The following LMX1A variants were observed in gnomAD, a reference collection of about 807,000 sequenced individuals.
The protein encoded by LMX1A is LIM homeobox transcription factor 1-alpha.
LMX1A carries 15 observed loss-of-function variants against 49.1 expected under a neutral mutation model. The observed-to-expected ratio is 0.31, with a 90% CI of 0.20 to 0.47. LMX1A has a LOEUF of 0.47. Ranked by LOEUF, LMX1A falls within the 20% of genes least tolerant of loss-of-function variation. The pLI is 1.00. For missense variants in LMX1A, 372 were observed against 475.8 expected (o/e 0.78, Z 2.03); for synonymous variants, 167 against 185.7 (o/e 0.90, Z 0.82).
chr1:165,207,331 C>T (rs1374070628), intron 7 of LMX1A, among the ~76,000 whole-genome samples: 1 of 151,920 alleles, frequency 6.6e-6, no homozygotes, highest in Non-Finnish European at 1.5e-5. Flanking sequence ...CCTTTAACTT[C>T]CATGAAGTCT....
intron 2 of LMX1A, among the ~76,000 whole-genome samples, chr1:165,354,392 G>A (rs1169036874): frequency 1.3e-5 from 2 of 152,274 alleles, no homozygotes; most frequent in East Asian, 3.9e-4. Flanking sequence ...GCCACGTTGA[G>A]AGCGAACGTG....
chr1:165,344,393 G>C (rs113709951), intron 3 of LMX1A, among the ~76,000 whole-genome samples: 4 of 152,232 alleles, frequency 2.6e-5, no homozygotes, highest in African/African-American at 9.6e-5. Context: ...AGAGTGAGGC[G>C]GTAGCCAATA....
chr1:165,241,605 G>A (rs1414743925), intron 4 of LMX1A, among the ~76,000 whole-genome samples: 1 of 151,660 alleles, frequency 6.6e-6, no homozygotes, highest in Admixed American at 6.6e-5. Context: ...CAATACGGAG[G>A]ATGAGACTTC....
chr1:165,256,859 C>T (rs986699415), intron 3 of LMX1A, among the ~76,000 whole-genome samples: 1 of 152,004 alleles, frequency 6.6e-6, no homozygotes, highest in Admixed American at 6.6e-5. Context: ...CACTGAATTT[C>T]GGGATGCAAC....
rs1650861616 is a variant in LMX1A at position 165,201,940 on chromosome 1, C to T, written c.*1940G>A. On this transcript the variant is annotated 3_prime_UTR_variant, in exon 9 of 9. Transcript: ENST00000342310. ...GAATAAGGATCTCTATTCATTTTCA[C>T]TCACATAGTATCTCCTACATTCTCC... is the stretch of plus-strand genomic sequence containing the variant. 6.6e-6 allele frequency: 1 copy of T among 152,478 alleles called. No individual in the cohort carries two copies. The allele number at this position is 152,478 out of a possible 1,614,324, so 9.4% of individuals were successfully genotyped here.
At chr1:165,264,887 A>T (rs1177615624) in intron 3 of LMX1A, among the ~76,000 whole-genome samples, 2 of 151,814 alleles carry the variant, frequency 1.3e-5, no homozygotes, top group Non-Finnish European at 2.9e-5. Context: ...AGCTTGGGAG[A>T]CAGAACAATA....
chr1:165,272,270 G>C (rs1453029050), intron 3 of LMX1A, among the ~76,000 whole-genome samples: 5 of 152,098 alleles, frequency 3.3e-5, no homozygotes, highest in Non-Finnish European at 5.9e-5. Context: ...CATACTTTAC[G>C]AACACAAAAA....
Position 165,273,269 on chromosome 1 carries a change from C to A in LMX1A, c.264-23629G>T, listed in dbSNP as rs147954733. Among the ~76,000 whole-genome samples, 6 of 152,258 alleles carry A rather than the reference C, an allele frequency of 3.9e-5. No homozygotes were observed. The East Asian group carries it at 1.2e-3, about 29-fold the overall frequency. ...CCTGTCATGACTTGGAACTCATACC[C>A]CAAGCCCTTCCAAGAAGTGACTAGC... On this transcript the variant is annotated intron_variant, in intron 3 of 8. Coordinates refer to ENST00000342310, the MANE Select transcript of LMX1A (RefSeq NM_177398.4).
chr1:165,293,188 C>T (rs552682350), intron 3 of LMX1A, among the ~76,000 whole-genome samples: 156 of 151,810 alleles, frequency 1.0e-3, no homozygotes, highest in African/African-American at 3.7e-3. Context: ...AGACACTAGA[C>T]CAGATGTCCT....
intron 3 of LMX1A, among the ~76,000 whole-genome samples, chr1:165,311,136 C>T (rs533506101): frequency 6.6e-6 from 1 of 152,250 alleles, no homozygotes; most frequent in South Asian, 2.1e-4. Context: ...TTTTCTTCCG[C>T]CAGGGCCCCT....
intron 4 of LMX1A, among the ~76,000 whole-genome samples, chr1:165,232,156 T>C (rs1652263236): frequency 6.6e-6 from 1 of 152,266 alleles, no homozygotes; most frequent in East Asian, 1.9e-4. Flanking sequence ...TGCGGATGCA[T>C]CCCTGTGCTG....
chr1:165,228,542 G>C (rs1270569983), intron 4 of LMX1A, among the ~76,000 whole-genome samples: 1 of 152,202 alleles, frequency 6.6e-6, no homozygotes, highest in African/African-American at 2.4e-5. Context: ...GGATTTCACA[G>C]GTTGGGCAAC....
intron 3 of LMX1A, among the ~76,000 whole-genome samples, chr1:165,277,041 A>C (rs1653990978): frequency 6.6e-6 from 1 of 152,262 alleles, no homozygotes; most frequent in African/African-American, 2.4e-5. Context: ...GACAAGGAAC[A>C]ACTGAGCGGT....
chr1:165,230,430 T>G (rs1406374017), intron 4 of LMX1A, among the ~76,000 whole-genome samples: 1 of 152,208 alleles, frequency 6.6e-6, no homozygotes, highest in African/African-American at 2.4e-5. Flanking sequence ...GCTATCTAGA[T>G]AGTAATCTGT....
intron 3 of LMX1A, among the ~76,000 whole-genome samples, chr1:165,256,047 T>TGACATGGGCATGACTGC (rs1653224764): frequency 6.6e-6 from 1 of 151,982 alleles, no homozygotes; most frequent in Non-Finnish European, 1.5e-5. Flanking sequence ...GGCATGACTT[T>TGACATGGGCATGACTGC]GACATGGGCA....
intron 3 of LMX1A, among the ~76,000 whole-genome samples, chr1:165,352,337 C>G (rs1476100890): frequency 1.8e-4 from 28 of 152,184 alleles, no homozygotes; most frequent in Non-Finnish European, 1.3e-4. Flanking sequence ...GAACTTGCTC[C>G]GTGGCAGAAG....
At chr1:165,338,859 C>A (rs1202056481) in intron 3 of LMX1A, among the ~76,000 whole-genome samples, 1 of 152,208 alleles carries the variant, frequency 6.6e-6, no homozygotes, top group East Asian at 1.9e-4. Flanking sequence ...CCCCTTATGA[C>A]CTTGTCACTG....
At chr1:165,300,936 A>T (rs1654757063) in intron 3 of LMX1A, among the ~76,000 whole-genome samples, 1 of 152,148 alleles carries the variant, frequency 6.6e-6, no homozygotes, top group Non-Finnish European at 1.5e-5. Flanking sequence ...GTGGCATCTA[A>T]GGGCTAGAGG....
intron 4 of LMX1A, among the ~76,000 whole-genome samples, chr1:165,240,501 C>T (rs762318897): frequency 5.3e-4 from 80 of 152,174 alleles, no homozygotes; most frequent in Non-Finnish European, 1.0e-3. Flanking sequence ...TGCTGCTCAG[C>T]ATTCACTATT....
Sources: allele counts gnomAD v4.1 joint callset (sites outside exome capture counted in the v4.1 genomes callset), GRCh38; gene constraint gnomAD v4.1.1; transcripts MANE v1.5; gene names NCBI Gene and HGNC (gene_info 2026-07-23, HGNC 2026-07-21).